EVC2: variants seen among roughly 807,000 people sequenced by gnomAD.
EVC2 encodes EvC ciliary complex subunit 2, also known as limbin.
In EVC2, 148 loss-of-function variants were observed where a neutral mutation model predicts 149.3. The observed-to-expected ratio is 0.99, with a 90% CI of 0.87 to 1.14. The LOEUF (loss-of-function observed/expected upper bound fraction) is 1.14. EVC2 is among the 50% of genes most tolerant of loss of function. The pLI, the probability that EVC2 is intolerant of heterozygous loss-of-function variation, is 0.00. For synonymous variants in EVC2, 776 were observed against 649.9 expected, an observed-to-expected ratio of 1.19 and a Z score of -2.95; for missense variants, 1,854 against 1,627.3, an observed-to-expected ratio of 1.14 and a Z score of -2.40.
downstream of EVC2, among the ~76,000 whole-genome samples, chr4:5,557,887 C>G (rs1721866283): frequency 6.6e-6 from 1 of 152,122 alleles, no homozygotes; most frequent in Non-Finnish European, 1.5e-5. Flanking sequence ...AGCTATAAAA[C>G]TCTGATGAAG....
chr4:5,568,339 A>T (rs1015153198), intron 20 of EVC2, 105 bp downstream of exon 20: 99 of 1,187,118 alleles, frequency 8.3e-5, no homozygotes, highest in Admixed American at 1.2e-4. Flanking sequence ...TAACAAAATT[A>T]AAAAGTATGG....
At chr4:5,685,199 G>GCCCA (rs1720611939) in intron 6 of EVC2, among the ~76,000 whole-genome samples, 171 bp downstream of exon 6, 1 of 152,184 alleles carries the variant, frequency 6.6e-6, no homozygotes, top group Admixed American at 6.5e-5. Flanking sequence ...TACTAAGGGA[G>GCCCA]CCCAGTTCAT....
chr4:5,678,083 C>G (rs796438737), intron 7 of EVC2, among the ~76,000 whole-genome samples: 4 of 152,336 alleles, frequency 2.6e-5, no homozygotes, highest in African/African-American at 9.6e-5. Flanking sequence ...AAAGCCCTTC[C>G]TGTAGGGCTG....
chr4:5,579,730 A>G (rs1414952019), intron 17 of EVC2, among the ~76,000 whole-genome samples: 1 of 152,126 alleles, frequency 6.6e-6, no homozygotes, highest in Non-Finnish European at 1.5e-5. Flanking sequence ...AGTCCCAGCT[A>G]CTCGGGAGGC....
chr4:5,570,583 A>G (rs572589785), intron 19 of EVC2, among the ~76,000 whole-genome samples: 1 of 152,366 alleles, frequency 6.6e-6, no homozygotes, highest in South Asian at 2.1e-4. Context: ...GGAAAACAGT[A>G]TGGAGGTTCC....
Position 5,546,165 on chromosome 4 carries a change from G to A in EVC2, c.3420-2953C>T, listed in dbSNP as rs565416855. ...GTGGAAGTGAGTGTGGCAATTCCTC[G>A]GGGATCTAGAACTAGACATACCATT... On this transcript the variant is annotated intron_variant and NMD_transcript_variant, in intron 21 of 22. Coordinates refer to the EVC2 transcript ENST00000475313. 2.7e-4 allele frequency among the ~76,000 whole-genome samples: 41 copies of A among 152,212 alleles called. No homozygotes were observed. The South Asian group carries it at 5.8e-3, about 22-fold the overall frequency.
At chr4:5,615,575 G>A (rs1311879204) in intron 15 of EVC2, 31 bp from the exon 16 acceptor site, 1 of 1,614,068 alleles carries the variant, frequency 6.2e-7, no homozygotes, top group East Asian at 2.2e-5. Context: ...ACGTGGGTAA[G>A]AAGGCAATCA....
intron 15 of EVC2, among the ~76,000 whole-genome samples, chr4:5,617,230 C>T (rs1343520207): frequency 6.6e-6 from 1 of 152,108 alleles, no homozygotes; most frequent in Non-Finnish European, 1.5e-5. Context: ...AGTCAGGAAA[C>T]ACCAGCTCCC....
chr4:5,632,110 C>T, intron 10 of EVC2, 78 bp from the exon 11 acceptor site: 9 of 1,576,880 alleles, frequency 5.7e-6, no homozygotes, highest in South Asian at 4.6e-5. Flanking sequence ...GCAATGTGTA[C>T]AGGCACATGT....
At chr4:5,555,814 C>T (rs1430219700) in intron 21 of EVC2, among the ~76,000 whole-genome samples, 1 of 152,138 alleles carries the variant, frequency 6.6e-6, no homozygotes, top group Non-Finnish European at 1.5e-5. Context: ...ACAGAATAAT[C>T]TCTTCTACAA....
rs745711171 is a variant in EVC2, at chr4:5,574,813, T to C, written c.3273-41A>G. ...AATATACGTAAGTTCAGTTTTGTTATAAAGTGATACTATGAGATCATCTAG... is the reference window on the plus strand; with the variant it reads ...AATATACGTAAGTTCAGTTTTGTTACAAAGTGATACTATGAGATCATCTAG... On this transcript the variant is annotated intron_variant, in intron 18 of 21. Coordinates refer to ENST00000344408, the MANE Select transcript of EVC2 (RefSeq NM_147127.5). 4.5e-6 allele frequency: 7 copies of C among 1,572,974 alleles called. No homozygotes were observed. The South Asian group carries it at 6.6e-5, about 15-fold the overall frequency.
intron 9 of EVC2, among the ~76,000 whole-genome samples, chr4:5,649,120 T>C (rs1717933598): frequency 6.6e-6 from 1 of 152,232 alleles, no homozygotes; most frequent in African/African-American, 2.4e-5. Context: ...GGGTTACACA[T>C]GCTGGGCTCT....
intron 7 of EVC2, among the ~76,000 whole-genome samples, chr4:5,674,221 G>A (rs772505988): frequency 5.3e-5 from 8 of 152,098 alleles, no homozygotes; most frequent in Admixed American, 2.0e-4. Flanking sequence ...GTGAGATCTC[G>A]AAGATAATCA....
At chr4:5,537,178 G>A in the EVC2 span, among the ~76,000 whole-genome samples, 3 of 152,204 alleles carry the variant, frequency 2.0e-5, no homozygotes, top group South Asian at 2.1e-4. Context: ...GACTTTCCAG[G>A]CACTGCTGCA....
chr4:5,681,464 G>T, intron 6 of EVC2, 151 bp from the exon 7 acceptor site: 1 of 796,196 alleles, frequency 1.3e-6, no homozygotes, highest in Non-Finnish European at 2.1e-6. Flanking sequence ...CTCACCATCA[G>T]GAGGAAGGGG....
intron 16 of EVC2, among the ~76,000 whole-genome samples, chr4:5,603,986 A>G (rs1714193906): frequency 3.3e-5 from 5 of 152,148 alleles, no homozygotes; most frequent in Admixed American, 3.3e-4. Context: ...GGACATGGAG[A>G]GGCCTGTGCT....
At chr4:5,600,044 C>T (rs1411405307) in intron 16 of EVC2, among the ~76,000 whole-genome samples, 1 of 152,134 alleles carries the variant, frequency 6.6e-6, no homozygotes, top group Non-Finnish European at 1.5e-5. Flanking sequence ...GTGCAAATTC[C>T]CCAAAGAAAT....
chr4:5,646,049 C>T (rs992395269), intron 9 of EVC2, among the ~76,000 whole-genome samples: 1 of 152,088 alleles, frequency 6.6e-6, no homozygotes, highest in Non-Finnish European at 1.5e-5. Flanking sequence ...CCTGAGCCTC[C>T]GCCTCCTGAG....
chr4:5,661,381 A>C (rs372482762), intron 9 of EVC2, among the ~76,000 whole-genome samples: 2 of 152,226 alleles, frequency 1.3e-5, no homozygotes, highest in African/African-American at 4.8e-5. Context: ...GAAGAAGATA[A>C]CATCACCCTC....
Sources: gnomAD v4.1 joint callset for allele counts (sites outside exome capture counted in the v4.1 genomes callset) on GRCh38, gnomAD v4.1.1 for gene constraint, MANE v1.5 for transcripts, NCBI Gene and HGNC (gene_info 2026-07-23, HGNC 2026-07-21) for gene names.